STAG2: variants seen among roughly 807,000 people sequenced by gnomAD.
STAG2 encodes the protein cohesin subunit SA-2.
STAG2 carries 14 observed loss-of-function variants against 108.1 expected under a neutral mutation model. The observed-to-expected ratio is 0.13, with a 90% CI of 0.09 to 0.20. The LOEUF is 0.20. STAG2 is among the 10% of genes least tolerant of loss of function. The pLI, the probability that STAG2 is intolerant of heterozygous loss-of-function variation, is 1.00. For synonymous variants in STAG2, 307 were observed against 302.7 expected (o/e 1.01, Z -0.15); for missense variants, 440 against 940.9 (o/e 0.47, Z 6.96).
intron 29 of STAG2, among the ~76,000 whole-genome samples, chrX:124,084,216 A>G (rs147059513): frequency 1.5e-3 from 167 of 112,278 alleles, no homozygotes; most frequent in African/African-American, 5.1e-3. Flanking sequence ...TTTAAAGACT[A>G]TAGATTTTAT....
chrX:124,073,130 GAA>G (rs1429942083), intron 25 of STAG2, among the ~76,000 whole-genome samples: 1 of 109,895 alleles, frequency 9.1e-6, no homozygotes, highest in African/African-American at 3.3e-5. Flanking sequence ...TGCAGGTATT[GAA>G]ACATCTTTTG....
At chrX:123,969,952 GTTTTTTTTTTTTTTTT>G (rs749744551) in intron 1 of STAG2, among the ~76,000 whole-genome samples, 4 of 39,157 alleles carry the variant, frequency 1.0e-4, no homozygotes, top group African/African-American at 4.3e-4. Flanking sequence ...CGGTCTTCCT[GTTTTTTTTTTTTTTTT>G]TTTTTTTTTT....
chrX:123,990,170 G>A (rs1485984679), intron 1 of STAG2, among the ~76,000 whole-genome samples: 1 of 111,770 alleles, frequency 8.9e-6, no homozygotes, highest in Non-Finnish European at 1.9e-5. Flanking sequence ...CTGGTTACAG[G>A]ATCTTCTGGG....
intron 1 of STAG2, among the ~76,000 whole-genome samples, chrX:124,010,498 T>C (rs1473693690): frequency 9.0e-6 from 1 of 111,705 alleles, no homozygotes; most frequent in Non-Finnish European, 1.9e-5. Context: ...TTTATGTATC[T>C]ACTACATTTT....
At chrX:123,980,958 GTTTC>G (rs975105945) in intron 1 of STAG2, among the ~76,000 whole-genome samples, 1 of 110,598 alleles carries the variant, frequency 9.0e-6, no homozygotes, top group Non-Finnish European at 1.9e-5. Context: ...AACTACTTTA[GTTTC>G]TTTAAGTTTT....
At chrX:124,035,625 C>T (rs1042356845) in intron 5 of STAG2, among the ~76,000 whole-genome samples, 3 of 112,250 alleles carry the variant, frequency 2.7e-5, no homozygotes, top group Non-Finnish European at 3.8e-5. Context: ...ATTTGAGTGC[C>T]TGGCACTAAC....
rs771408150 is a variant in STAG2 at position 123,993,226 on chromosome X, GAGGCTGAGTCCAGGAGTTCA to G, written c.-162-28138_-162-28119del. Among the ~76,000 whole-genome samples the G allele has an allele frequency of 7.1e-3, 792 of 110,944 alleles. 7 individuals are homozygous for G. Among genetic ancestry groups the G allele is most frequent in the African/African-American group, 0.024 (744 of 30,489 alleles). The stretch of plus-strand genomic sequence containing the variant: ...CACACCTGTAATCCCAGCCCTTTAG[GAGGCTGAGTCCAGGAGTTCA>G]AGACCAGCCTGGGCAACTTGGTGAG... On this transcript the variant is annotated intron_variant, in intron 1 of 34. Transcript: ENST00000371145.
At chrX:124,067,362 G>A (rs1466877574) in intron 23 of STAG2, among the ~76,000 whole-genome samples, 4 of 98,497 alleles carry the variant, frequency 4.1e-5, no homozygotes, top group African/African-American at 7.6e-5. Flanking sequence ...TCTGACTTGC[G>A]GGTTCAAGCA....
chrX:123,975,620 T>G (rs184352331), intron 1 of STAG2, among the ~76,000 whole-genome samples: 1 of 111,715 alleles, frequency 9.0e-6, no homozygotes, highest in East Asian at 2.8e-4. Context: ...TGTGCCACCA[T>G]GTCCGGCTAA....
At chrX:124,029,674 C>G (rs771323182) in intron 4 of STAG2, among the ~76,000 whole-genome samples, 19 of 112,333 alleles carry the variant, frequency 1.7e-4, no homozygotes, top group African/African-American at 5.8e-4. Context: ...ATGTGGCCCA[C>G]AAAGCCTAAC....
intron 1 of STAG2, among the ~76,000 whole-genome samples, chrX:123,966,585 C>T (rs565715472): frequency 6.3e-5 from 7 of 111,345 alleles, no homozygotes; most frequent in African/African-American, 2.3e-4. Context: ...ATGGTTATTG[C>T]GTGTTCTGAT....
chrX:124,029,823 C>T (rs762557287), intron 4 of STAG2, among the ~76,000 whole-genome samples: 1 of 111,396 alleles, frequency 9.0e-6, no homozygotes, highest in Non-Finnish European at 1.9e-5. Context: ...TATTTTAATT[C>T]AACCCTGGCA....
chrX:124,023,269 TG>T (rs1203769117), intron 3 of STAG2, among the ~76,000 whole-genome samples: 1 of 111,694 alleles, frequency 9.0e-6, no homozygotes, highest in Admixed American at 9.6e-5. Context: ...CAGTGAAAAG[TG>T]AACTTTTAAA....
intron 16 of STAG2, 59 bp from the exon 17 acceptor site, chrX:124,061,712 T>C (rs2058382058): frequency 1.1e-5 from 10 of 893,630 alleles, no homozygotes; most frequent in South Asian, 8.3e-5. Context: ...AAGTGGCATA[T>C]AGGGAGAAGA....
intron 27 of STAG2, among the ~76,000 whole-genome samples, chrX:124,080,084 T>A (rs758840460): frequency 9.0e-6 from 1 of 111,495 alleles, no homozygotes; most frequent in Non-Finnish European, 1.9e-5. Flanking sequence ...ATTTAGCTAA[T>A]TAACATAAAC....
chrX:124,003,721 G>A (rs2056163510), intron 1 of STAG2: 1 of 111,920 alleles, frequency 8.9e-6, no homozygotes, highest in Admixed American at 9.5e-5. Context: ...ACCGTGCCCA[G>A]CCTGAAATAT....
chrX:124,070,101 C>T (rs1346363259), intron 24 of STAG2, among the ~76,000 whole-genome samples: 2 of 111,315 alleles, frequency 1.8e-5, no homozygotes, highest in Admixed American at 9.6e-5. Context: ...GCTTATGTGC[C>T]CAGTCTTCCC....
chrX:123,996,586 CTTTCTCATTT>C (rs1335718254), intron 1 of STAG2, among the ~76,000 whole-genome samples: 1 of 111,248 alleles, frequency 9.0e-6, no homozygotes, highest in African/African-American at 3.3e-5. Flanking sequence ...CCACTGATTT[CTTTCTCATTT>C]ATATGTTTTT....
intron 13 of STAG2, among the ~76,000 whole-genome samples, chrX:124,052,925 C>G (rs1430723803): frequency 9.1e-6 from 1 of 109,822 alleles, no homozygotes; most frequent in Non-Finnish European, 1.9e-5. Context: ...CAAGCGATTC[C>G]CCTGCCTCAG....
Sources: gnomAD v4.1 joint callset for allele counts (sites outside exome capture counted in the v4.1 genomes callset) on GRCh38, gnomAD v4.1.1 for gene constraint, MANE v1.5 for transcripts, NCBI Gene and HGNC (gene_info 2026-07-23, HGNC 2026-07-21) for gene names.